Variants in PDE4D observed in about 807,000 individuals in gnomAD.
PDE4D encodes 3',5'-cyclic-AMP phosphodiesterase 4D.
PDE4D carries 24 observed loss-of-function variants against 87.4 expected under a neutral mutation model. The observed-to-expected ratio is 0.27, with a 90% confidence interval of 0.20 to 0.39. The LOEUF is 0.39. Ranked by LOEUF, PDE4D falls within the 10% of genes least tolerant of loss-of-function variation. The probability of loss-of-function intolerance (pLI) is 1.00; values close to 1 mark genes in which losing one functional copy is unlikely to be tolerated. For synonymous variants in PDE4D, 384 were observed against 383.2 expected (o/e 1.00, Z -0.02); for missense variants, 714 against 1,041.0 (o/e 0.69, Z 4.32).
chr5:59,430,579 C>T (rs1795965683), intron 1 of PDE4D: 1 of 425,338 alleles, frequency 2.4e-6, no homozygotes, highest in African/African-American at 2.0e-5. Flanking sequence ...TTCTCGGAGG[C>T]TAAATGTACT....
chr5:59,482,995 T>G (rs1804530545), intron 1 of PDE4D, among the ~76,000 whole-genome samples: 1 of 152,180 alleles, frequency 6.6e-6, no homozygotes, highest in Non-Finnish European at 1.5e-5. Context: ...CTCCTACATT[T>G]GGATGGCCCT....
intron 1 of PDE4D, among the ~76,000 whole-genome samples, chr5:60,386,472 G>A (rs752974602): frequency 6.6e-6 from 1 of 152,160 alleles, no homozygotes; most frequent in Non-Finnish European, 1.5e-5. Flanking sequence ...AACCCAATTA[G>A]ATACTCCTAA....
chr5:59,147,309 C>G (rs943095464), intron 5 of PDE4D, among the ~76,000 whole-genome samples: 1 of 152,074 alleles, frequency 6.6e-6, no homozygotes, highest in Non-Finnish European at 1.5e-5. Context: ...AAGACCACAT[C>G]TTAAGCTACA....
chr5:59,204,535 A>G (rs1212702686), intron 2 of PDE4D, among the ~76,000 whole-genome samples: 1 of 152,244 alleles, frequency 6.6e-6, no homozygotes, highest in African/African-American at 2.4e-5. Flanking sequence ...TTCACTAAGC[A>G]TATTAGGTTA....
rs921578092 is a variant in PDE4D, at chr5:59,625,806, C to T, written c.455+267362G>A. On this transcript the variant is annotated intron_variant, in intron 1 of 14. Coordinates refer to ENST00000340635, the MANE Select transcript of PDE4D (RefSeq NM_001104631.2). ...ATGGCATTACAAACCAATGACTGGG[C>T]GCGGTGGCTCATGCCTGTAATCCCA... Among the ~76,000 whole-genome samples the T allele has an allele frequency of 3.3e-5, 5 of 152,144 alleles. No individual in the cohort carries two copies. The South Asian group carries it at 6.2e-4, about 19-fold the overall frequency.
rs55796726 is a variant in PDE4D at position 59,128,015 on chromosome 5, CGTGT to C, written c.808+52576_808+52579del. Among the ~76,000 whole-genome samples the C allele has an allele frequency of 3.5e-3, 502 of 144,402 alleles. 4 individuals carry two copies. Among genetic ancestry groups the C allele is most frequent in the African/African-American group, 0.011 (427 of 39,004 alleles). The allele number at this position is 144,402 out of a possible 152,430, so 94.7% of individuals were successfully genotyped here. A position where few individuals can be genotyped will look rare whatever the true frequency, so the allele number is the denominator to read the frequency against. On this transcript the variant is annotated intron_variant, in intron 5 of 14. Coordinates refer to ENST00000340635, the MANE Select transcript of PDE4D (RefSeq NM_001104631.2). ...TCCTCCGTGTCTGAGCTTTCAGAGC[CGTGT>C]GTGTGTGTGTGTGTGTGTGTGTGTG...
intron 1 of PDE4D, among the ~76,000 whole-genome samples, chr5:59,635,354 T>C (rs1352522488): frequency 1.3e-5 from 2 of 151,972 alleles, no homozygotes; most frequent in African/African-American, 2.4e-5. Flanking sequence ...TTCCAATCAA[T>C]AGAAAAAGAG....
At position 59,771,482 on chromosome 5, in the gene PDE4D, A is replaced by AG. The variant is rs1491246375; in HGVS notation, c.455+121685_455+121686insC. The stretch of plus-strand genomic sequence containing the variant: ...GAAAGAAAGAAAGAAAGAAAGAAAG[A>AG]AAGAGAGAGAGAGAGAGAAGAAAGA... On this transcript the variant is annotated intron_variant, in intron 1 of 14. Coordinates refer to ENST00000340635, the MANE Select transcript of PDE4D (RefSeq NM_001104631.2). Among the ~76,000 whole-genome samples the AG allele has an allele frequency of 7.1e-3, 790 of 110,806 alleles. 10 individuals carry two copies. Among genetic ancestry groups the AG allele is most frequent in the African/African-American group, 0.018 (443 of 25,204 alleles). The allele number at this position is 110,806 out of a possible 152,430, so 72.7% of individuals were successfully genotyped here.
At chr5:59,286,667 A>G (rs1399448634) in intron 1 of PDE4D, among the ~76,000 whole-genome samples, 5 of 152,152 alleles carry the variant, frequency 3.3e-5, no homozygotes, top group Non-Finnish European at 1.5e-5. Context: ...AGTGTACTCA[A>G]AAGTAACTCT....
chr5:59,273,360 T>TAC (rs1401731702), intron 1 of PDE4D, among the ~76,000 whole-genome samples: 1 of 152,088 alleles, frequency 6.6e-6, no homozygotes, highest in African/African-American at 2.4e-5. Context: ...TACATATATA[T>TAC]ACACACAAAC....
intron 1 of PDE4D, among the ~76,000 whole-genome samples, chr5:59,354,073 A>C (rs1276199579): frequency 1.3e-5 from 2 of 152,158 alleles, no homozygotes; most frequent in Non-Finnish European, 2.9e-5. Flanking sequence ...TTCCAGTTAA[A>C]GCTAAGTGTA....
intron 1 of PDE4D, among the ~76,000 whole-genome samples, chr5:59,390,244 C>T (rs1371957282): frequency 1.3e-5 from 2 of 152,116 alleles, no homozygotes; most frequent in East Asian, 3.8e-4. Context: ...CACTTGCCCA[C>T]AAGATGGCGC....
chr5:59,281,958 T>TC (rs1765874808), intron 1 of PDE4D, among the ~76,000 whole-genome samples: 1 of 152,222 alleles, frequency 6.6e-6, no homozygotes, highest in African/African-American at 2.4e-5. Flanking sequence ...TTATCCATCA[T>TC]CAATTCTTTC....
chr5:59,087,190 G>T (rs1767858494), intron 5 of PDE4D, among the ~76,000 whole-genome samples: 1 of 151,970 alleles, frequency 6.6e-6, no homozygotes, highest in South Asian at 2.1e-4. Context: ...TAAAAAATAC[G>T]TTAAAAAAAT....
At chr5:59,014,058 T>C (rs1317453297) in intron 6 of PDE4D, among the ~76,000 whole-genome samples, 2 of 152,176 alleles carry the variant, frequency 1.3e-5, no homozygotes, top group African/African-American at 4.8e-5. Flanking sequence ...CATGATTATC[T>C]CAATAGATGC....
chr5:60,027,995 C>T (rs1766817887), intron 2 of PDE4D, among the ~76,000 whole-genome samples: 1 of 152,192 alleles, frequency 6.6e-6, no homozygotes, highest in Non-Finnish European at 1.5e-5. Flanking sequence ...ATCATGTCCT[C>T]TTATGGCCTC....
chr5:59,280,216 C>A (rs918369440), intron 1 of PDE4D, among the ~76,000 whole-genome samples: 1 of 152,052 alleles, frequency 6.6e-6, no homozygotes, highest in African/African-American at 2.4e-5. Flanking sequence ...CAACAGATGA[C>A]ATTTTGATTG....
intron 1 of PDE4D, among the ~76,000 whole-genome samples, chr5:60,365,321 G>C (rs1489521532): frequency 2.0e-5 from 3 of 152,246 alleles, no homozygotes. Flanking sequence ...TTGATTTCCA[G>C]CTCCTTTTGA....
intron 1 of PDE4D, among the ~76,000 whole-genome samples, chr5:59,553,354 C>T (rs116792693): frequency 6.6e-6 from 1 of 152,228 alleles, no homozygotes; most frequent in African/African-American, 2.4e-5. Flanking sequence ...CAAGTTTTTG[C>T]CATCCCCCAA....
Sources: allele counts gnomAD v4.1 joint callset (sites outside exome capture counted in the v4.1 genomes callset), GRCh38; gene constraint gnomAD v4.1.1; transcripts MANE v1.5; gene names NCBI Gene and HGNC (gene_info 2026-07-23, HGNC 2026-07-21).